The following ACO2 variants were observed in gnomAD, a reference collection of about 807,000 sequenced individuals.
The protein encoded by ACO2 is aconitate hydratase, mitochondrial.
A neutral mutation model predicts 84.5 loss-of-function variants in ACO2; 31 were observed. The ratio of observed to expected loss-of-function variants is 0.37; its 90% CI spans 0.28 to 0.50. The LOEUF is 0.50. Ranked by LOEUF, ACO2 falls within the 20% of genes least tolerant of loss-of-function variation. The probability of loss-of-function intolerance (pLI) is 0.97; values close to 1 mark genes in which losing one functional copy is unlikely to be tolerated. For missense variants in ACO2, 685 were observed against 1,029.3 expected (o/e 0.67, Z 4.58); for synonymous variants, 414 against 412.7 (o/e 1.00, Z -0.04).
Position 41,527,050 on chromosome 22 carries a change from GTCT to G in ACO2, c.1954-233_1954-231del, listed in dbSNP as rs1210025443. ...TGCCAAGCACCAATGGGTGGCTTCT[GTCT>G]TCTTTGCCACTGCAAACAACCACGT... On this transcript the variant is annotated intron_variant, in intron 15 of 17. Coordinates refer to ENST00000216254, the MANE Select transcript of ACO2 (RefSeq NM_001098.3). 23 of 599,234 alleles carry G rather than the reference GTCT, an allele frequency of 3.8e-5. No individual in the cohort carries two copies. In the East Asian group the frequency reaches 6.6e-4, roughly 17 times the overall value. 37.1% of individuals were successfully genotyped at this position (599,234 alleles called of 1,614,324 possible). A position where few individuals can be genotyped will look rare whatever the true frequency, so the allele number is the denominator to read the frequency against.
chr22:41,473,129 G>A (rs1003996367), intron 1 of ACO2, among the ~76,000 whole-genome samples: 1 of 152,308 alleles, frequency 6.6e-6, no homozygotes. Context: ...CATCTTAGAT[G>A]TGGACAGAGG....
chr22:41,528,739 C>T lies in ACO2; in HGVS notation c.*126C>T. ...TGTGACCAGACATGCTTCCTGCTCC[C>T]CGCTTAGCCCACGGAGTGACTGTGG... On this transcript the variant is annotated 3_prime_UTR_variant, in exon 18 of 18. Coordinates refer to ENST00000216254, the MANE Select transcript of ACO2 (RefSeq NM_001098.3). 7.4e-7 allele frequency: 1 copy of T among 1,348,190 alleles called. No individual in the cohort carries two copies. The highest frequency in any genetic ancestry group is 9.9e-7 in the Non-Finnish European group (1 of 1,007,780). 83.5% of individuals were successfully genotyped at this position (1,348,190 alleles called of 1,614,324 possible).
At position 41,526,437 on chromosome 22, in the gene ACO2, C is replaced by T. The variant is rs780385024; in HGVS notation, c.1937C>T (p.Thr646Ile). 2 of 1,612,900 alleles carry T rather than the reference C, an allele frequency of 1.2e-6. No homozygotes were observed. The highest frequency in any genetic ancestry group is 2.2e-5 in the South Asian group (2 of 90,994). ...CAGGAGTTTGGCCCCGTCCCTGACA[C>T]TGCCCGCTACTACAAGGTGGGTCAG... Reference protein sequence around the residue: ...VTQEFGPVPDTARYYKKHGIR... With the variant: ...VTQEFGPVPDIARYYKKHGIR... The change falls in exon 15 of 18, where the codon ACT becomes ATT. Residue 646 changes from threonine (T) to isoleucine (I), a missense_variant. This residue lies in a region of ACO2 where 174 missense variants were observed against 236.6 expected (regional missense o/e 0.74). Transcript: ENST00000216254.
chr22:41,473,790 G>A (rs1412840009), intron 1 of ACO2, among the ~76,000 whole-genome samples: 1 of 152,106 alleles, frequency 6.6e-6, no homozygotes, highest in East Asian at 1.9e-4. Flanking sequence ...ACCATTTTTG[G>A]AGGAGACTTC....
chr22:41,470,528 C>CTTTTTTTTTTTTTT (rs71184811), intron 1 of ACO2, among the ~76,000 whole-genome samples: 8 of 95,858 alleles, frequency 8.3e-5, no homozygotes, highest in Non-Finnish European at 1.0e-4. Flanking sequence ...CTCTTTACAT[C>CTTTTTTTTTTTTTT]TTTTTTTTTT....
chr22:41,473,044 G>T (rs1445449059), intron 1 of ACO2, among the ~76,000 whole-genome samples: 1 of 152,226 alleles, frequency 6.6e-6, no homozygotes, highest in African/African-American at 2.4e-5. Context: ...GATTCTGGTT[G>T]TATGGTCACT....
intron 1 of ACO2, among the ~76,000 whole-genome samples, chr22:41,494,291 C>G (rs1047368860): frequency 5.3e-5 from 8 of 152,158 alleles, no homozygotes; most frequent in Non-Finnish European, 1.0e-4. Flanking sequence ...ATCATAGGAG[C>G]CGCTTCACTG....
intron 1 of ACO2, among the ~76,000 whole-genome samples, chr22:41,485,434 A>AT (rs71184813): frequency 0.026 from 1,802 of 68,860 alleles, 32 homozygotes; most frequent in Non-Finnish European, 0.036. Context: ...TGCCCGGCTA[A>AT]TTTTTTTTTT....
At chr22:41,470,622 A>C (rs1245396736) in intron 1 of ACO2, among the ~76,000 whole-genome samples, 1 of 141,746 alleles carries the variant, frequency 7.1e-6, no homozygotes, top group Non-Finnish European at 1.5e-5. Flanking sequence ...GGCTGACTGC[A>C]ACTCTGCCTC....
rs201392094 is a variant in ACO2 at position 41,518,548 on chromosome 22, A to G, written c.1008A>G (p.Gln336=). ...LVPDPGCHYD[Q]LIEINLSELK... is the part of the protein sequence containing the mutation. ...CTGACCCTGGCTGCCATTATGACCA[A>G]CTAATTGAAATTAACCTCAGTGAGG... is the stretch of plus-strand genomic sequence containing the variant. The change falls in exon 8 of 18, where the codon CAA becomes CAG. Residue 336 remains glutamine, a synonymous_variant. Coordinates refer to ENST00000216254, the MANE Select transcript of ACO2 (RefSeq NM_001098.3). 4 of 1,613,536 alleles carry G rather than the reference A, an allele frequency of 2.5e-6. No individual in the cohort carries two copies. The highest frequency in any genetic ancestry group is 3.4e-6 in the Non-Finnish European group (4 of 1,179,632).
At chr22:41,516,801 C>T in intron 6 of ACO2, among the ~76,000 whole-genome samples, 1 of 152,210 alleles carries the variant, frequency 6.6e-6, no homozygotes, top group East Asian at 1.9e-4. Flanking sequence ...CGGCTCACTA[C>T]AACCTCCGCC....
intron 4 of ACO2, among the ~76,000 whole-genome samples, chr22:41,513,043 C>G (rs975085208): frequency 3.9e-5 from 6 of 152,178 alleles, no homozygotes; most frequent in Non-Finnish European, 7.3e-5. Flanking sequence ...AGCAGGGGAT[C>G]ACTCCTCTGC....
At chr22:41,496,097 A>C (rs1259314675) in intron 1 of ACO2, among the ~76,000 whole-genome samples, 1 of 151,756 alleles carries the variant, frequency 6.6e-6, no homozygotes. Flanking sequence ...GGATCACTTG[A>C]GGTCAGGAGT....
chr22:41,520,403 T>C, intron 9 of ACO2, 127 bp downstream of exon 9: 1 of 682,580 alleles, frequency 1.5e-6, no homozygotes, highest in East Asian at 2.9e-5. Flanking sequence ...AATGGGTTTA[T>C]TATTGAAAAA....
At chr22:41,527,040 G>A in intron 15 of ACO2, 1 of 581,224 alleles carries the variant, frequency 1.7e-6, no homozygotes, top group Non-Finnish European at 3.0e-6. Context: ...AGCACCAATG[G>A]GTGGCTTCTG....
chr22:41,527,537 G>T (rs773647833), intron 16 of ACO2, 117 bp downstream of exon 16: 22 of 1,384,062 alleles, frequency 1.6e-5, no homozygotes, highest in Middle Eastern at 2.7e-4. Flanking sequence ...CAGCCCACAG[G>T]CCCGTCAGCC....
At chr22:41,520,790 C>T (rs1448978450) in intron 9 of ACO2, among the ~76,000 whole-genome samples, 2 of 150,632 alleles carry the variant, frequency 1.3e-5, no homozygotes, top group Admixed American at 6.6e-5. Flanking sequence ...TGCAATGAAC[C>T]GAGATTGTGT....
intron 12 of ACO2, 39 bp from the exon 13 acceptor site, chr22:41,524,807 A>G (rs1372452201): frequency 1.2e-6 from 2 of 1,613,748 alleles, no homozygotes; most frequent in Non-Finnish European, 8.5e-7. Flanking sequence ...CAGGAGTGGC[A>G]ATTGGTGCTG....
At chr22:41,527,452 A>T in intron 16 of ACO2, 32 bp downstream of exon 16, 3 of 1,585,284 alleles carry the variant, frequency 1.9e-6, no homozygotes, top group Non-Finnish European at 2.6e-6. Context: ...GGCCATCCTC[A>T]TCCCATCCCT....
Sources: allele counts gnomAD v4.1 joint callset (sites outside exome capture counted in the v4.1 genomes callset), GRCh38; gene constraint gnomAD v4.1.1; regional missense constraint gnomAD v4.1.1; transcripts MANE v1.5; gene names NCBI Gene and HGNC (gene_info 2026-07-23, HGNC 2026-07-21).